GAK: variants seen among roughly 807,000 people sequenced by gnomAD.
The protein encoded by GAK is cyclin G associated kinase, also known as cyclin-G-associated kinase.
A neutral mutation model predicts 143.9 loss-of-function variants in GAK; 79 were observed. The ratio of observed to expected loss-of-function variants is 0.55; its 90% CI spans 0.46 to 0.66. The LOEUF (loss-of-function observed/expected upper bound fraction) is 0.66. Among genes scored for constraint, GAK ranks in the 30% least tolerant of loss-of-function variants. The pLI is 0.00. For missense variants in GAK, 1,693 were observed against 1,779.7 expected, an observed-to-expected ratio of 0.95 and a Z score of 0.88; for synonymous variants, 881 against 765.5, an observed-to-expected ratio of 1.15 and a Z score of -2.49.
intron 6 of GAK, among the ~76,000 whole-genome samples, chr4:897,068 A>G (rs897982870): frequency 3.9e-5 from 6 of 152,224 alleles, no homozygotes; most frequent in Non-Finnish European, 8.8e-5. Context: ...CTGGGGCCAC[A>G]GAGCTGTGAG....
chr4:881,065 G>A (rs1228987111), intron 15 of GAK, among the ~76,000 whole-genome samples: 1 of 152,218 alleles, frequency 6.6e-6, no homozygotes, highest in Non-Finnish European at 1.5e-5. Context: ...CAAACGAGGT[G>A]GGGCCCTCCC....
chr4:892,443 G>A (rs1717856791), intron 9 of GAK, among the ~76,000 whole-genome samples: 2 of 152,210 alleles, frequency 1.3e-5, no homozygotes, highest in African/African-American at 4.8e-5. Context: ...TCGAGGATCT[G>A]GTGATGGAGA....
At position 850,948 on chromosome 4, in the gene GAK, T is replaced by C; in HGVS notation, c.3645A>G (p.Pro1215=). The change falls in exon 26 of 28, where the codon CCA becomes CCG. Residue 1215 remains proline, a synonymous_variant. Coordinates refer to ENST00000314167, the MANE Select transcript of GAK (RefSeq NM_005255.4). ...RKQDLAKDTD[P]LKLKLLDWIE... ...CCCACCCACCCACCTTCAGCTTGAG[T>C]GGGTCCGTGTCTTTAGCCAGGTCCT... 6.2e-7 allele frequency: 1 copy of C among 1,613,064 alleles called. No homozygotes were observed. The highest frequency in any genetic ancestry group is 8.5e-7 in the Non-Finnish European group (1 of 1,179,434).
intron 23 of GAK, among the ~76,000 whole-genome samples, chr4:864,096 C>G (rs1009214136): frequency 3.3e-5 from 5 of 152,230 alleles, no homozygotes; most frequent in Admixed American, 3.3e-4. Flanking sequence ...CAGTGGCTCA[C>G]GCCTGTAATC....
chr4:912,713 C>A (rs891917469), intron 3 of GAK, 22 bp downstream of exon 3: 1 of 1,610,736 alleles, frequency 6.2e-7, no homozygotes, highest in African/African-American at 1.3e-5. Context: ...CGTGCTGGCT[C>A]CTGGTTCCAG....
At chr4:909,579 G>GCACACGGACA (rs1432152828) in intron 4 of GAK, among the ~76,000 whole-genome samples, 1 of 152,202 alleles carries the variant, frequency 6.6e-6, no homozygotes, top group Non-Finnish European at 1.5e-5. Context: ...GGACCACACA[G>GCACACGGACA]CACAGCCTCA....
At chr4:876,468 T>G in intron 18 of GAK, 62 bp downstream of exon 18, 1 of 1,439,076 alleles carries the variant, frequency 6.9e-7, no homozygotes, top group South Asian at 1.1e-5. Flanking sequence ...CCGGCCCACA[T>G]GCAGGTGCTG....
At chr4:881,778 G>T in intron 15 of GAK, 129 bp downstream of exon 15, 1 of 1,179,520 alleles carries the variant, frequency 8.5e-7, no homozygotes, top group Non-Finnish European at 1.2e-6. Context: ...GCTCCGCGAG[G>T]CCGGGCCTGC....
chr4:865,123 T>A lies in GAK; in HGVS notation c.3165A>T (p.Glu1055Asp), dbSNP rs751297024. 4 of 1,608,580 alleles carry A rather than the reference T, an allele frequency of 2.5e-6. No individual in the cohort carries two copies. Among genetic ancestry groups the A allele is most frequent in the Non-Finnish European group, 3.4e-6 (4 of 1,177,316 alleles). ...ASAVAPTPATEGPLFSPGGQP... is the reference protein window; with the variant it reads ...ASAVAPTPATDGPLFSPGGQP... Reference sequence around the variant, plus strand: ...GTCCTTGGTGGGTGGTGGCCATACCTTCTGTGGCTGGCGTGGGGGCCACTG... The same window carrying A: ...GTCCTTGGTGGGTGGTGGCCATACCATCTGTGGCTGGCGTGGGGGCCACTG... The change falls in exon 23 of 28, where the codon GAA becomes GAT. Residue 1055 changes from glutamate to aspartate, a missense_variant and splice_region_variant. This residue lies in a region of GAK where 822 missense variants were observed against 788.7 expected (regional missense o/e 1.04). Transcript: ENST00000314167.
At chr4:907,520 T>A (rs1721296971) in intron 4 of GAK, among the ~76,000 whole-genome samples, 1 of 152,218 alleles carries the variant, frequency 6.6e-6, no homozygotes, top group Non-Finnish European at 1.5e-5. Flanking sequence ...CGAGTCTGTT[T>A]CAGTGGTAAC....
At position 849,685 on chromosome 4, in the gene GAK, C is replaced by T. The variant is rs1158577478; in HGVS notation, c.3924G>A (p.Arg1308=). ...CACCACTGCGGCCTCAGAAGAGGGGCCGGGAGCCCTGGTTCTCAAACTCCG... is the reference window on the plus strand; with the variant it reads ...CACCACTGCGGCCTCAGAAGAGGGGTCGGGAGCCCTGGTTCTCAAACTCCG... The part of the protein sequence containing the change: ...AWSEFENQGS[R]PLF The change falls in exon 28 of 28, where the codon CGG becomes CGA. Residue 1308 remains arginine, a synonymous_variant. Coordinates refer to ENST00000314167, the MANE Select transcript of GAK (RefSeq NM_005255.4). The T allele has an allele frequency of 3.7e-6, 6 of 1,612,446 alleles. No homozygotes were observed. In the East Asian group the frequency reaches 1.1e-4, roughly 30 times the overall value.
chr4:870,966 A>T (rs977102692), intron 18 of GAK, 62 bp from the exon 19 acceptor site: 1 of 1,414,768 alleles, frequency 7.1e-7, no homozygotes, highest in East Asian at 2.4e-5. Flanking sequence ...GTCCTTGGAC[A>T]TTCACTAAAG....
chr4:890,935 G>C (rs1238918999), intron 9 of GAK, among the ~76,000 whole-genome samples: 2 of 150,406 alleles, frequency 1.3e-5, no homozygotes, highest in Non-Finnish European at 3.0e-5. Context: ...TTCCCAGTCT[G>C]TCCAACCAAC....
Position 890,562 on chromosome 4 carries a change from C to A in GAK, c.1051G>T (p.Val351Leu). 1.9e-6 allele frequency: 3 copies of A among 1,610,550 alleles called. No individual in the cohort carries two copies. Among genetic ancestry groups the A allele is most frequent in the Non-Finnish European group, 2.5e-6 (3 of 1,178,912 alleles). ...ATLSRGPPPP[V>L]GPAGSGYSGG... ...CTGTAGCCACTGCCAGCGGGGCCCA[C>A]GGGAGGGGGTGGCCCTCGGGACAGT... Residue 351 changes from valine (V) to leucine (L), a missense_variant, in exon 10 of 28, where the codon GTG (valine) becomes TTG (leucine). This residue lies in a region of GAK where 871 missense variants were observed against 991.0 expected (regional missense o/e 0.88). Transcript: ENST00000314167.
In GAK at chr4:870,417, C is replaced by G. The variant is rs555701831; in HGVS notation, c.2248+294G>C. Reference sequence around the variant, plus strand: ...ATGACAAAAATCTGACCCAGACACACGCCTGGGACAAAACCCCGCTTCGCT... The same window carrying G: ...ATGACAAAAATCTGACCCAGACACAGGCCTGGGACAAAACCCCGCTTCGCT... On this transcript the variant is annotated intron_variant, in intron 19 of 27. Transcript: ENST00000314167. 2.6e-5 allele frequency among the ~76,000 whole-genome samples: 4 copies of G among 152,332 alleles called. No homozygotes were observed. The East Asian group carries it at 7.7e-4, about 29-fold the overall frequency.
chr4:859,348 G>A (rs1749856737), intron 24 of GAK: 5 of 1,431,650 alleles, frequency 3.5e-6, no homozygotes, highest in Non-Finnish European at 4.6e-6. Flanking sequence ...CTGAGGACAG[G>A]ATGGATCACG....
chr4:915,075 C>T (rs1161531781), intron 1 of GAK, among the ~76,000 whole-genome samples: 2 of 140,224 alleles, frequency 1.4e-5, no homozygotes, highest in African/African-American at 2.7e-5. Flanking sequence ...TCCCAGCGTG[C>T]ACGGCCCCAC....
At chr4:893,249 G>C in intron 9 of GAK, 128 bp downstream of exon 9, 1 of 593,784 alleles carries the variant, frequency 1.7e-6, no homozygotes, top group Non-Finnish European at 2.8e-6. Flanking sequence ...GTTCACGTGT[G>C]CCTCCCTCCC....
chr4:915,012 C>A (rs552075039), intron 1 of GAK, among the ~76,000 whole-genome samples: 1 of 132,510 alleles, frequency 7.5e-6, no homozygotes, highest in Non-Finnish European at 1.6e-5. Context: ...ACAGCCCCAG[C>A]GCACACGGCC....
Sources: gnomAD v4.1 joint callset for allele counts (sites outside exome capture counted in the v4.1 genomes callset) on GRCh38, gnomAD v4.1.1 for gene constraint, gnomAD v4.1.1 regional missense constraint, MANE v1.5 for transcripts, NCBI Gene and HGNC (gene_info 2026-07-23, HGNC 2026-07-21) for gene names.